Variants in CDH18 observed in about 807,000 individuals in gnomAD.
CDH18 encodes the protein cadherin 18.
A neutral mutation model predicts 67.9 loss-of-function variants in CDH18; 31 were observed. That is an observed-to-expected ratio of 0.46 (90% CI 0.34 to 0.62). The LOEUF (loss-of-function observed/expected upper bound fraction) is 0.62, where lower values mean the gene tolerates loss of function less well. Ranked by LOEUF, CDH18 falls within the 20% of genes least tolerant of loss-of-function variation. The probability of loss-of-function intolerance (pLI) is 0.01; values close to 1 mark genes in which losing one functional copy is unlikely to be tolerated. For missense variants in CDH18, 890 were observed against 975.5 expected (o/e 0.91, Z 1.17); for synonymous variants, 362 against 347.2 (o/e 1.04, Z -0.48).
intron 5 of CDH18, among the ~76,000 whole-genome samples, chr5:19,629,792 C>T (rs1752133878): frequency 6.6e-6 from 1 of 151,462 alleles, no homozygotes; most frequent in Non-Finnish European, 1.5e-5. Flanking sequence ...TTTTTTTCAA[C>T]CAAATTTGAA....
intron 2 of CDH18, among the ~76,000 whole-genome samples, chr5:19,878,557 A>G (rs1412691214): frequency 6.6e-6 from 1 of 152,052 alleles, no homozygotes; most frequent in Non-Finnish European, 1.5e-5. Flanking sequence ...TAAAAGAAAC[A>G]AAGTTCCTAC....
At chr5:20,402,568 T>C (rs982815855) in intron 1 of CDH18, among the ~76,000 whole-genome samples, 1 of 152,192 alleles carries the variant, frequency 6.6e-6, no homozygotes, top group African/African-American at 2.4e-5. Context: ...TCCCAGTGCA[T>C]TAAAAAGCTA....
chr5:20,008,381 CA>C (rs1737110569), intron 2 of CDH18, among the ~76,000 whole-genome samples: 1 of 152,022 alleles, frequency 6.6e-6, no homozygotes, highest in Admixed American at 6.6e-5. Context: ...ATTACATTTC[CA>C]CTATTCTGTC....
rs145245973 is a variant in CDH18, at chr5:19,481,659, C to G, written c.1882+1642G>C. Reference sequence around the variant, plus strand: ...CATCTCCCACAAGTCTCTGGATGCTCTCACCCTTTCCTACAAATCCCTTCT... The same window carrying G: ...CATCTCCCACAAGTCTCTGGATGCTGTCACCCTTTCCTACAAATCCCTTCT... On this transcript the variant is annotated intron_variant, in intron 12 of 12. Coordinates refer to ENST00000382275, the MANE Select transcript of CDH18 (RefSeq NM_004934.5). 2.8e-3 allele frequency among the ~76,000 whole-genome samples: 430 copies of G among 152,308 alleles called. 3 individuals carry two copies. Among genetic ancestry groups the G allele is most frequent in the African/African-American group, 9.7e-3 (405 of 41,574 alleles).
chr5:19,654,717 A>G (rs1322658072), intron 5 of CDH18, among the ~76,000 whole-genome samples: 3 of 152,160 alleles, frequency 2.0e-5, no homozygotes, highest in African/African-American at 7.2e-5. Context: ...GTCCAGGAAG[A>G]ATCAGATCAC....
At chr5:20,304,434 C>G in intron 1 of CDH18, 1 of 1,492,690 alleles carries the variant, frequency 6.7e-7, no homozygotes, top group Non-Finnish European at 9.3e-7. Context: ...TCATGATTCT[C>G]TTCTTCATCT....
chr5:19,812,124 C>T (rs535354417), intron 3 of CDH18, among the ~76,000 whole-genome samples: 1 of 152,086 alleles, frequency 6.6e-6, no homozygotes, highest in South Asian at 2.1e-4. Flanking sequence ...TTTAAATATC[C>T]TAAGGTTTTT....
intron 12 of CDH18, among the ~76,000 whole-genome samples, 161 bp from the exon 13 acceptor site, chr5:19,473,877 C>T (rs1737998065): frequency 2.6e-5 from 4 of 152,136 alleles, no homozygotes; most frequent in Middle Eastern, 3.4e-3. Context: ...TGAATAACAC[C>T]GCAAGGTACT....
chr5:19,571,890 C>T (rs1741481979), intron 7 of CDH18, 58 bp from the exon 8 acceptor site: 7 of 1,328,660 alleles, frequency 5.3e-6, no homozygotes, highest in East Asian at 2.3e-5. Context: ...TTATGACTTT[C>T]ATTACTTTTC....
chr5:19,816,695 T>C (rs1404370380), intron 3 of CDH18, among the ~76,000 whole-genome samples: 1 of 151,806 alleles, frequency 6.6e-6, no homozygotes, highest in Non-Finnish European at 1.5e-5. Context: ...ACATAAGCAA[T>C]TTCACTGCTG....
chr5:20,054,560 A>G (rs570997977), intron 2 of CDH18, among the ~76,000 whole-genome samples: 3 of 152,240 alleles, frequency 2.0e-5, no homozygotes, highest in South Asian at 2.1e-4. Flanking sequence ...GAAGGTCTTT[A>G]GCGTCTATTT....
intron 1 of CDH18, among the ~76,000 whole-genome samples, chr5:20,458,851 C>T (rs1433591185): frequency 6.6e-6 from 1 of 152,112 alleles, no homozygotes; most frequent in African/African-American, 2.4e-5. Context: ...TTATGTGCAA[C>T]ATTTTAAAAA....
intron 2 of CDH18, among the ~76,000 whole-genome samples, chr5:19,974,307 A>G (rs1048734133): frequency 6.6e-6 from 1 of 151,888 alleles, no homozygotes; most frequent in Non-Finnish European, 1.5e-5. Context: ...CGAGGCGGGC[A>G]GATCACTTGA....
intron 2 of CDH18, among the ~76,000 whole-genome samples, chr5:20,052,391 A>G (rs539430722): frequency 1.3e-4 from 20 of 152,192 alleles, no homozygotes; most frequent in Non-Finnish European, 8.8e-5. Flanking sequence ...CAGTTGACAT[A>G]CTATCAGTAA....
chr5:19,948,427 T>C (rs549633557), intron 2 of CDH18, among the ~76,000 whole-genome samples: 3 of 152,312 alleles, frequency 2.0e-5, no homozygotes, highest in East Asian at 1.9e-4. Context: ...AGAAATGATA[T>C]GTTGATACAC....
intron 12 of CDH18, among the ~76,000 whole-genome samples, chr5:19,479,607 T>C (rs535063641): frequency 3.9e-5 from 6 of 152,268 alleles, no homozygotes; most frequent in Non-Finnish European, 7.4e-5. Context: ...ACCAATTCCA[T>C]CTTCTTCTCT....
intron 1 of CDH18, among the ~76,000 whole-genome samples, chr5:20,528,644 G>A (rs1756213710): frequency 6.6e-6 from 1 of 151,950 alleles, no homozygotes; most frequent in Admixed American, 6.6e-5. Flanking sequence ...ACTTGCTCCT[G>A]GATGACTTCC....
At chr5:20,569,902 T>A (rs543566511) in intron 1 of CDH18, among the ~76,000 whole-genome samples, 37 of 152,290 alleles carry the variant, frequency 2.4e-4, no homozygotes, top group African/African-American at 8.2e-4. Context: ...TTTAAATGCA[T>A]GTTGATTAAG....
chr5:20,180,362 T>C (rs923023853), intron 2 of CDH18, among the ~76,000 whole-genome samples: 6 of 152,138 alleles, frequency 3.9e-5, no homozygotes, highest in Admixed American at 2.6e-4. Flanking sequence ...GTCTAACCAG[T>C]TGTCTAGCTT....
Sources: allele counts gnomAD v4.1 joint callset (sites outside exome capture counted in the v4.1 genomes callset), GRCh38; gene constraint gnomAD v4.1.1; transcripts MANE v1.5; gene names NCBI Gene and HGNC (gene_info 2026-07-23, HGNC 2026-07-21).